Variants in KMT5B observed in about 807,000 individuals in gnomAD.
KMT5B encodes the protein histone-lysine N-methyltransferase KMT5B.
KMT5B carries 10 observed loss-of-function variants against 83.2 expected under a neutral mutation model. The ratio of observed to expected loss-of-function variants is 0.12; its 90% CI spans 0.07 to 0.20. The LOEUF (loss-of-function observed/expected upper bound fraction) is 0.20, where lower values mean the gene tolerates loss of function less well. KMT5B is among the 10% of genes least tolerant of loss of function. KMT5B has a pLI of 1.00. For synonymous variants in KMT5B, 349 were observed against 388.8 expected, an observed-to-expected ratio of 0.90 and a Z score of 1.20; for missense variants, 753 against 1,067.2, an observed-to-expected ratio of 0.71 and a Z score of 4.10.
At chr11:68,210,249 G>C (rs551379904) in intron 1 of KMT5B, among the ~76,000 whole-genome samples, 17 of 152,160 alleles carry the variant, frequency 1.1e-4, no homozygotes, top group East Asian at 5.8e-4. Context: ...CAAGCTTTGG[G>C]GGGGGGGACA....
In KMT5B at chr11:68,170,545, T is replaced by G. The variant is rs549166550; in HGVS notation, c.977+470A>C. Among the ~76,000 whole-genome samples, 6 of 152,306 alleles carry G rather than the reference T, an allele frequency of 3.9e-5. No individual in the cohort carries two copies. The South Asian group carries it at 1.2e-3, about 32-fold the overall frequency. ...TCTGTAAAGACTCCAGGACTCTTGA[T>G]GAGACATAAGAAGAGGTTCCTTATT... On this transcript the variant is annotated intron_variant, in intron 9 of 10. Transcript: ENST00000304363.
chr11:68,160,005 ATGACAACC>A (rs1425956308), intron 10 of KMT5B, among the ~76,000 whole-genome samples: 11 of 152,370 alleles, frequency 7.2e-5, no homozygotes, highest in African/African-American at 2.6e-4. Context: ...CCTAATGGTA[ATGACAACC>A]TGAGTAGTGA....
At chr11:68,186,929 T>C (rs971279876) in intron 2 of KMT5B, among the ~76,000 whole-genome samples, 6 of 152,214 alleles carry the variant, frequency 3.9e-5, no homozygotes, top group African/African-American at 1.4e-4. Flanking sequence ...TGAAAAGCTA[T>C]CAACATTGTT....
chr11:68,157,907 C>A lies in KMT5B; in HGVS notation c.2439G>T (p.Met813Ile), dbSNP rs1859416151. ...CATACTGACTATAGTCATCCACCTC[C>A]ATTCGAGACTCCAAGAGAGAAAGAG... ...SDPLSLLESR[M>I]EVDDYSQYEE... is the part of the protein sequence containing the mutation. The change falls in exon 11 of 11, where the codon ATG (methionine) becomes ATT (isoleucine). Residue 813 changes from methionine (M) to isoleucine (I), a missense_variant. This residue lies in a region of KMT5B where 161 missense variants were observed against 195.1 expected (regional missense o/e 0.83). Transcript: ENST00000304363. 6.2e-7 allele frequency: 1 copy of A among 1,613,954 alleles called. No homozygotes were observed. The highest frequency in any genetic ancestry group is 1.3e-5 in the African/African-American group (1 of 74,924).
At position 68,171,760 on chromosome 11, in the gene KMT5B, A is replaced by C. The variant is rs755567906; in HGVS notation, c.654-51T>G. The C allele has an allele frequency of 7.3e-6, 10 of 1,375,480 alleles. No homozygotes were observed. The highest frequency in any genetic ancestry group is 5.1e-5 in the South Asian group (4 of 77,798). The allele number at this position is 1,375,480 out of a possible 1,614,324, so 85.2% of individuals were successfully genotyped here. A position where few individuals can be genotyped will look rare whatever the true frequency, so the allele number is the denominator to read the frequency against. ...AAATTACTAGTAATTAAATATAGTA[A>C]GGCTTCTTTTAATAAAATAATCCTG... On this transcript the variant is annotated intron_variant, in intron 6 of 10. Coordinates refer to ENST00000304363, the MANE Select transcript of KMT5B (RefSeq NM_017635.5). The surrounding 1 kb of genome is among the most constrained non-coding windows in gnomAD (Gnocchi z 5.1).
intron 4 of KMT5B, among the ~76,000 whole-genome samples, chr11:68,178,438 G>C (rs959307287): frequency 6.6e-6 from 1 of 152,126 alleles, no homozygotes; most frequent in African/African-American, 2.4e-5. Context: ...GTTGACTTCT[G>C]TTTCTGCTTT....
intron 5 of KMT5B, 112 bp downstream of exon 5, chr11:68,174,906 A>C (rs1305898982): frequency 2.1e-6 from 2 of 970,108 alleles, no homozygotes; most frequent in Non-Finnish European, 3.0e-6. Flanking sequence ...CAGACTGATT[A>C]GTTTTATGAA....
chr11:68,167,245 A>G, intron 9 of KMT5B, 67 bp from the exon 10 acceptor site: 1 of 1,525,062 alleles, frequency 6.6e-7, no homozygotes, highest in Non-Finnish European at 8.8e-7. Context: ...TTAACTGCTG[A>G]GGGTACTTGG....
intron 1 of KMT5B, among the ~76,000 whole-genome samples, chr11:68,201,960 G>A (rs187162432): frequency 7.9e-5 from 12 of 151,648 alleles, no homozygotes; most frequent in Admixed American, 3.3e-4. Context: ...GTGGTGGTGC[G>A]TGCTTGTAGT....
rs376473824 is a variant in KMT5B at position 68,194,444 on chromosome 11, C to T, written c.-76-4292G>A. Among the ~76,000 whole-genome samples the T allele has an allele frequency of 1.7e-3, 264 of 152,242 alleles. 1 individual carries two copies. Among genetic ancestry groups the T allele is most frequent in the African/African-American group, 5.6e-3 (234 of 41,534 alleles). On this transcript the variant is annotated intron_variant, in intron 1 of 10. Transcript: ENST00000304363. ...CTGGCCACAAGCGATCCTCCCACCT[C>T]GGCCTCCCAAAGTGCTACGATTACA...
intron 10 of KMT5B, among the ~76,000 whole-genome samples, chr11:68,162,876 G>A: frequency 6.6e-6 from 1 of 152,286 alleles, no homozygotes; most frequent in South Asian, 2.1e-4. Context: ...AAAAAAGACA[G>A]GCAAAGAATT....
At chr11:68,165,817 A>G in intron 10 of KMT5B, 1 of 1,597,556 alleles carries the variant, frequency 6.3e-7, no homozygotes, top group Non-Finnish European at 8.5e-7. Context: ...AGACTGGAAT[A>G]GGGCTACAGC....
rs78002370 is a variant in KMT5B, at chr11:68,155,815, G to T, written c.*1873C>A. On this transcript the variant is annotated 3_prime_UTR_variant, in exon 11 of 11. Coordinates refer to ENST00000304363, the MANE Select transcript of KMT5B (RefSeq NM_017635.5). ...AGACCTCCAGACGCAGTGAACGGGG[G>T]TATGGGTGGGTGTGGAAGAAGGTCT... is the stretch of plus-strand genomic sequence containing the variant. 6.6e-6 allele frequency: 1 copy of T among 152,250 alleles called. No homozygotes were observed. Among genetic ancestry groups the T allele is most frequent in the Non-Finnish European group, 1.5e-5 (1 of 68,084 alleles). 9.4% of individuals were successfully genotyped at this position (152,250 alleles called of 1,614,324 possible).
rs201466000 is a variant in KMT5B, at chr11:68,158,267, T to C, written c.2079A>G (p.Lys693=). The part of the protein sequence containing the change: ...FKTKDSFRTA[K]SKKKRRITRY... ...TTGTGATTCGCCTCTTCTTTTTACT[T>C]TTTGCAGTTCTAAAGCTGTCTTTTG... Residue 693 remains lysine, a synonymous_variant, in exon 11 of 11, where the codon AAA becomes AAG. Coordinates refer to ENST00000304363, the MANE Select transcript of KMT5B (RefSeq NM_017635.5). 1 of 1,614,146 alleles carries C rather than the reference T, an allele frequency of 6.2e-7. No individual in the cohort carries two copies.
At chr11:68,179,984 A>C in intron 4 of KMT5B, 148 bp downstream of exon 4, 1 of 925,946 alleles carries the variant, frequency 1.1e-6, no homozygotes, top group South Asian at 1.9e-5. Flanking sequence ...AAAAAATACA[A>C]CTATTATCAA....
Position 68,158,877 on chromosome 11 carries a change from A to G in KMT5B, c.1469T>C (p.Ile490Thr). 1 of 1,614,104 alleles carries G rather than the reference A, an allele frequency of 6.2e-7. No homozygotes were observed. The highest frequency in any genetic ancestry group is 8.5e-7 in the Non-Finnish European group (1 of 1,180,026). ...PKVVLYKNLP[I>T]KKDKEPEGPA... ...TCCCTCTGGCTCCTTATCTTTTTTA[A>G]TGGGCAAATTTTTATACAGAACTAC... The change falls in exon 11 of 11, where the codon ATT (isoleucine) becomes ACT (threonine). Residue 490 changes from isoleucine (I) to threonine (T), a missense_variant. This residue lies in a region of KMT5B where 397 missense variants were observed against 395.9 expected (regional missense o/e 1.00). Coordinates refer to ENST00000304363, the MANE Select transcript of KMT5B (RefSeq NM_017635.5).
intron 1 of KMT5B, among the ~76,000 whole-genome samples, chr11:68,203,062 G>A (rs1008702809): frequency 3.3e-5 from 5 of 151,868 alleles, no homozygotes; most frequent in African/African-American, 4.8e-5. Context: ...TGCAACCTCC[G>A]CCTCCTGGGT....
chr11:68,171,341 T>C lies in KMT5B; in HGVS notation c.821-90A>G. The C allele has an allele frequency of 1.3e-6, 2 of 1,493,624 alleles. No individual in the cohort carries two copies. The highest frequency in any genetic ancestry group is 1.8e-6 in the Non-Finnish European group (2 of 1,088,288). 92.5% of individuals were successfully genotyped at this position (1,493,624 alleles called of 1,614,324 possible). A position where few individuals can be genotyped will look rare whatever the true frequency, so the allele number is the denominator to read the frequency against. On this transcript the variant is annotated intron_variant, in intron 7 of 10. Transcript: ENST00000304363. This position sits in a 1 kb window ranked among gnomAD's most constrained non-coding sequence, Gnocchi z 5.1. Reference sequence around the variant, plus strand: ...AGAAATCTGAAATAAGCTTTCCATATAACTTTACAACTTTTGATAGGAGTT... The same window carrying C: ...AGAAATCTGAAATAAGCTTTCCATACAACTTTACAACTTTTGATAGGAGTT...
rs538850224 is a variant in KMT5B, at chr11:68,178,074, A to C, written c.377+2058T>G. Among the ~76,000 whole-genome samples the C allele has an allele frequency of 2.2e-4, 34 of 152,350 alleles. No individual in the cohort carries two copies. The South Asian group carries it at 7.0e-3, about 32-fold the overall frequency. ...ACAGATAACCCGTGCTTTGTGTGGC[A>C]ATCAGAAAAGCAATAGTTCACTTTA... On this transcript the variant is annotated intron_variant, in intron 4 of 10. Transcript: ENST00000304363.
Sources: gnomAD v4.1 joint callset for allele counts (sites outside exome capture counted in the v4.1 genomes callset) on GRCh38, gnomAD v4.1.1 for gene constraint, gnomAD v4.1.1 regional missense constraint, Gnocchi (gnomAD v3.1) non-coding constraint, MANE v1.5 for transcripts, NCBI Gene and HGNC (gene_info 2026-07-23, HGNC 2026-07-21) for gene names.